The following TUSC3 variants were observed in gnomAD, a reference collection of about 807,000 sequenced individuals.
The protein encoded by TUSC3 is tumor suppressor candidate 3.
In TUSC3, 45 loss-of-function variants were observed where a neutral mutation model predicts 44.8. The observed-to-expected ratio is 1.00, with a 90% CI of 0.79 to 1.29. The LOEUF (loss-of-function observed/expected upper bound fraction) is 1.29, where lower values mean the gene tolerates loss of function less well. TUSC3 is among the 50% of genes most tolerant of loss of function. The pLI is 0.00. For missense variants in TUSC3, 519 were observed against 437.9 expected, an observed-to-expected ratio of 1.19 and a Z score of -1.65; for synonymous variants, 212 against 152.9, an observed-to-expected ratio of 1.39 and a Z score of -2.85.
intron 6 of TUSC3, among the ~76,000 whole-genome samples, chr8:15,728,214 T>G (rs998974313): frequency 6.6e-6 from 1 of 152,174 alleles, no homozygotes; most frequent in Non-Finnish European, 1.5e-5. Context: ...AATGATAGGA[T>G]AGTTTTGACA....
intron 1 of TUSC3, among the ~76,000 whole-genome samples, chr8:15,580,522 A>C (rs1416117779): frequency 5.9e-3 from 327 of 55,658 alleles, no homozygotes; most frequent in African/African-American, 0.017. Flanking sequence ...GGTGGTGACA[A>C]AATCTCTCAG....
intron 1 of TUSC3, among the ~76,000 whole-genome samples, chr8:15,480,830 A>T (rs1800648406): frequency 6.6e-6 from 1 of 152,206 alleles, no homozygotes; most frequent in African/African-American, 2.4e-5. Flanking sequence ...TTACATTCTA[A>T]GGTACTGGGA....
intron 2 of TUSC3, among the ~76,000 whole-genome samples, chr8:15,483,649 A>ATTTTTTGTTTTTTTTTTTTTTT (rs1800694601): frequency 1.5e-5 from 1 of 66,166 alleles, no homozygotes; most frequent in African/African-American, 5.5e-5. Context: ...TAGCACTGTG[A>ATTTTTTGTTTTTTTTTTTTTTT]TTTTTTTTTT....
the TUSC3 span, among the ~76,000 whole-genome samples, chr8:15,820,415 G>C: frequency 6.7e-6 from 1 of 150,190 alleles, no homozygotes; most frequent in Admixed American, 6.7e-5. Flanking sequence ...AGGTTCAAGC[G>C]ATCAAGCGAT....
the TUSC3 span, among the ~76,000 whole-genome samples, chr8:15,792,023 C>A: frequency 2.6e-5 from 4 of 152,018 alleles, no homozygotes; most frequent in South Asian, 8.3e-4. Flanking sequence ...AAGCCACAGA[C>A]ATGTAGGAGA....
intron 6 of TUSC3, among the ~76,000 whole-genome samples, chr8:15,699,878 G>T (rs1809322652): frequency 6.6e-6 from 1 of 152,076 alleles, no homozygotes; most frequent in African/African-American, 2.4e-5. Flanking sequence ...GCTATAGAAG[G>T]AAGAATTATA....
chr8:15,843,346 G>A, the TUSC3 span, among the ~76,000 whole-genome samples: 2 of 151,896 alleles, frequency 1.3e-5, no homozygotes, highest in Non-Finnish European at 2.9e-5. Context: ...CTTCCCTCTT[G>A]GATATTGTGT....
intron 7 of TUSC3, among the ~76,000 whole-genome samples, chr8:15,741,478 G>A (rs1811194317): frequency 6.6e-6 from 1 of 152,138 alleles, no homozygotes; most frequent in Non-Finnish European, 1.5e-5. Flanking sequence ...GGAGACCGAG[G>A]CAGGCAGACC....
intron 7 of TUSC3, among the ~76,000 whole-genome samples, chr8:15,740,952 T>C (rs997494500): frequency 6.6e-6 from 1 of 152,302 alleles, no homozygotes; most frequent in South Asian, 2.1e-4. Context: ...GTTACCACAT[T>C]GTTTGAATTT....
intron 1 of TUSC3, among the ~76,000 whole-genome samples, chr8:15,586,278 G>C (rs1803599486): frequency 6.6e-6 from 1 of 152,150 alleles, no homozygotes; most frequent in African/African-American, 2.4e-5. Context: ...TTACCTTTGA[G>C]AGAAGCTTGT....
intron 2 of TUSC3, among the ~76,000 whole-genome samples, chr8:15,517,902 G>A (rs1801242385): frequency 2.0e-5 from 3 of 151,246 alleles, no homozygotes; most frequent in Admixed American, 2.0e-4. Context: ...ACAATTCAGT[G>A]GTTTTTACTA....
At chr8:15,718,210 C>T (rs1236684527) in intron 6 of TUSC3, among the ~76,000 whole-genome samples, 1 of 151,982 alleles carries the variant, frequency 6.6e-6, no homozygotes, top group Non-Finnish European at 1.5e-5. Context: ...TAGTGATAAT[C>T]CAAGCGTGAT....
chr8:15,761,212 A>G (rs117473931), intron 10 of TUSC3, among the ~76,000 whole-genome samples: 2 of 152,306 alleles, frequency 1.3e-5, no homozygotes, highest in East Asian at 3.9e-4. Context: ...TGGAATATTA[A>G]TCCTTAGCAA....
chr8:15,478,265 C>G (rs959225642), intron 1 of TUSC3, among the ~76,000 whole-genome samples: 1 of 152,026 alleles, frequency 6.6e-6, no homozygotes. Context: ...CATGCCTGGC[C>G]TTTTTAAAAT....
chr8:15,512,910 ATATGTATC>A (rs1801160888), intron 2 of TUSC3, among the ~76,000 whole-genome samples: 1 of 111,870 alleles, frequency 8.9e-6, no homozygotes, highest in African/African-American at 3.1e-5. Context: ...CGGTGTATAT[ATATGTATC>A]TATATATATA....
chr8:15,656,178 G>T (rs1435411930), intron 3 of TUSC3, among the ~76,000 whole-genome samples: 3 of 152,038 alleles, frequency 2.0e-5, no homozygotes, highest in African/African-American at 7.2e-5. Flanking sequence ...CCAAACTCAT[G>T]TCTTTCTCAC....
the TUSC3 span, among the ~76,000 whole-genome samples, chr8:15,841,596 C>T: frequency 6.6e-6 from 1 of 151,990 alleles, no homozygotes; most frequent in Non-Finnish European, 1.5e-5. Context: ...TCACTGCAAC[C>T]CCTGCCTCCC....
intron 1 of TUSC3, among the ~76,000 whole-genome samples, chr8:15,554,292 G>A (rs2129137641): frequency 6.6e-6 from 1 of 151,876 alleles, no homozygotes; most frequent in Admixed American, 6.6e-5. Flanking sequence ...ATGGCCACAT[G>A]ACTAACTTTA....
At chr8:15,829,475 C>T in the TUSC3 span, among the ~76,000 whole-genome samples, 16,046 of 152,086 alleles carry the variant, frequency 0.11, 954 homozygotes, top group East Asian at 0.25. Context: ...TATCTCAGAG[C>T]AGTTTCGTTG....
Sources: gnomAD v4.1 joint callset for allele counts (sites outside exome capture counted in the v4.1 genomes callset) on GRCh38, gnomAD v4.1.1 for gene constraint, MANE v1.5 for transcripts, NCBI Gene and HGNC (gene_info 2026-07-23, HGNC 2026-07-21) for gene names.